The following PTPN20 variants were observed in gnomAD, a reference collection of about 807,000 sequenced individuals.
The protein encoded by PTPN20 is tyrosine-protein phosphatase non-receptor type 20.
In PTPN20, 9 loss-of-function variants were observed where a neutral mutation model predicts 35.0. That is an observed-to-expected ratio of 0.26 (90% CI 0.15 to 0.45). The LOEUF is 0.45. PTPN20 is among the 20% of genes least tolerant of loss of function. PTPN20 has a pLI of 1.00. For synonymous variants in PTPN20, 32 were observed against 100.2 expected, an observed-to-expected ratio of 0.32 and a Z score of 4.06; for missense variants, 111 against 312.5, an observed-to-expected ratio of 0.36 and a Z score of 4.86.
Position 47,000,921 on chromosome 10 carries a change from A to G in PTPN20, c.*180A>G, listed in dbSNP as rs2059967618. 5.7e-6 allele frequency: 4 copies of G among 706,174 alleles called. No homozygotes were observed. Among genetic ancestry groups the G allele is most frequent in the East Asian group, 2.7e-5 (1 of 37,174 alleles). 43.7% of individuals were successfully genotyped at this position (706,174 alleles called of 1,614,324 possible). ...CAATATCATTTGGCTTGGGGTGATC[A>G]GTGTTTACTTATTGATCTTGCTAGA... On this transcript the variant is annotated 3_prime_UTR_variant, in exon 11 of 11. Transcript: ENST00000374339.
At chr10:46,970,738 C>T (rs1396891299) in intron 7 of PTPN20, among the ~76,000 whole-genome samples, 1 of 119,944 alleles carries the variant, frequency 8.3e-6, no homozygotes, top group Non-Finnish European at 1.7e-5. Flanking sequence ...TAAAGGCAAC[C>T]TAGGGGAAGC....
At chr10:46,976,431 G>A (rs2053629103) in intron 7 of PTPN20, among the ~76,000 whole-genome samples, 1 of 103,886 alleles carries the variant, frequency 9.6e-6, no homozygotes. Context: ...CCTGATAAAC[G>A]AATATCCTTG....
intron 2 of PTPN20, among the ~76,000 whole-genome samples, chr10:46,939,595 A>T: frequency 7.2e-6 from 1 of 139,690 alleles, no homozygotes; most frequent in Non-Finnish European, 1.5e-5. Context: ...TTTCTTTATG[A>T]TTTTCTCCTT....
chr10:46,932,355 T>C (rs1331797903), intron 1 of PTPN20, 22 bp from the exon 2 acceptor site: 1 of 1,599,208 alleles, frequency 6.3e-7, no homozygotes, highest in African/African-American at 1.3e-5. Flanking sequence ...AGAAAAATCT[T>C]TGGCTTTGTG....
At chr10:46,975,939 G>A (rs1284966803) in intron 7 of PTPN20, among the ~76,000 whole-genome samples, 5 of 151,646 alleles carry the variant, frequency 3.3e-5, no homozygotes, top group Non-Finnish European at 7.4e-5. Context: ...GGGATTATAA[G>A]CATGAGCCAC....
chr10:46,995,913 C>A (rs1002707368), intron 9 of PTPN20, among the ~76,000 whole-genome samples: 77 of 152,260 alleles, frequency 5.1e-4, no homozygotes, highest in Admixed American at 1.2e-3. Flanking sequence ...GATCCAGGAA[C>A]TGTCTTCTCC....
At position 47,000,756 on chromosome 10, in the gene PTPN20, G is replaced by A; in HGVS notation, c.*15G>A. The A allele has an allele frequency of 6.2e-7, 1 of 1,613,416 alleles. No homozygotes were observed. Among genetic ancestry groups the A allele is most frequent in the Non-Finnish European group, 8.5e-7 (1 of 1,179,500 alleles). ...CTTTGGATTAAGAAAGACTTCTGTT[G>A]CCTCTCACTTGAAATTACCAAGTGG... On this transcript the variant is annotated 3_prime_UTR_variant, in exon 11 of 11. Coordinates refer to ENST00000374339, the MANE Select transcript of PTPN20 (RefSeq NM_001042357.5).
chr10:46,939,712 C>A (rs2042836218), intron 2 of PTPN20, among the ~76,000 whole-genome samples: 1 of 151,350 alleles, frequency 6.6e-6, no homozygotes. Context: ...CACATTTAAA[C>A]CTATACATTT....
chr10:46,998,256 A>G (rs2138038717), intron 9 of PTPN20, among the ~76,000 whole-genome samples: 1 of 152,312 alleles, frequency 6.6e-6, no homozygotes, highest in South Asian at 2.1e-4. Context: ...TGGTTAAATA[A>G]AGTGGCACAT....
At chr10:46,950,670 T>G in intron 5 of PTPN20, among the ~76,000 whole-genome samples, 1 of 152,004 alleles carries the variant, frequency 6.6e-6, no homozygotes, top group Non-Finnish European at 1.5e-5. Flanking sequence ...AGTTAATGTA[T>G]GCTAATATTT....
intron 7 of PTPN20, among the ~76,000 whole-genome samples, chr10:46,976,398 CTT>C (rs1198403320): frequency 7.3e-4 from 51 of 69,592 alleles, no homozygotes; most frequent in African/African-American, 2.6e-3. Context: ...TCAAGCTCTA[CTT>C]TTTTTTTTTT....
intron 1 of PTPN20, among the ~76,000 whole-genome samples, chr10:46,929,881 C>T (rs1422248208): frequency 6.9e-6 from 1 of 145,178 alleles, no homozygotes; most frequent in Non-Finnish European, 1.5e-5. Flanking sequence ...CCTAAAATTT[C>T]AGTACACATG....
intron 9 of PTPN20, among the ~76,000 whole-genome samples, chr10:46,997,071 A>G (rs2059237466): frequency 6.6e-6 from 1 of 152,186 alleles, no homozygotes; most frequent in Non-Finnish European, 1.5e-5. Flanking sequence ...GAGAGAGCTG[A>G]TATCTTTACT....
Position 46,999,905 on chromosome 10 carries a change from A to T in PTPN20, c.1135-7A>T. 1 of 1,613,694 alleles carries T rather than the reference A, an allele frequency of 6.2e-7. No homozygotes were observed. Among genetic ancestry groups the T allele is most frequent in the South Asian group, 1.1e-5 (1 of 91,058 alleles). ...GATCATACAAAATTACTGTCATCTT[A>T]TTACAGTTCAACATCATGGATATAG... On this transcript the variant is annotated splice_region_variant and splice_polypyrimidine_tract_variant and intron_variant, in intron 9 of 10. Transcript: ENST00000374339.
chr10:46,989,392 A>T (rs1418976434), intron 9 of PTPN20, among the ~76,000 whole-genome samples: 1 of 80,218 alleles, frequency 1.2e-5, no homozygotes, highest in Admixed American at 1.2e-4. Flanking sequence ...CTTCTTCCAC[A>T]TCTATTAAGA....
intron 3 of PTPN20, among the ~76,000 whole-genome samples, chr10:46,941,061 C>T (rs1233199726): frequency 6.0e-5 from 9 of 151,184 alleles, no homozygotes; most frequent in Admixed American, 2.0e-4. Context: ...TGGGTGTCTC[C>T]GAACTATGGA....
rs1555163592 is a variant in PTPN20, at chr10:46,970,809, G to A, written c.583+2762G>A. On this transcript the variant is annotated intron_variant, in intron 7 of 10. Coordinates refer to ENST00000374339, the MANE Select transcript of PTPN20 (RefSeq NM_001042357.5). ...GGAGCTATTTCACAGCAATATAAGTGCCAAGGATAAAAGGTGGAAACTGAT... is the reference window on the plus strand; with the variant it reads ...GGAGCTATTTCACAGCAATATAAGTACCAAGGATAAAAGGTGGAAACTGAT... Among the ~76,000 whole-genome samples, 2 of 86,674 alleles carry A rather than the reference G, an allele frequency of 2.3e-5. 1 individual carries two copies. The highest frequency in any genetic ancestry group is 3.9e-5 in the Non-Finnish European group (2 of 50,964). The allele number at this position is 86,674 out of a possible 152,430, so 56.9% of individuals were successfully genotyped here.
chr10:46,960,115 A>C (rs2049528491), intron 5 of PTPN20, among the ~76,000 whole-genome samples: 1 of 61,212 alleles, frequency 1.6e-5, no homozygotes, highest in African/African-American at 1.1e-4. Context: ...GTTGTCACTC[A>C]ATTGTCTTCT....
intron 1 of PTPN20, among the ~76,000 whole-genome samples, chr10:46,929,392 T>C (rs1181914036): frequency 6.6e-6 from 1 of 150,390 alleles, no homozygotes; most frequent in Non-Finnish European, 1.5e-5. Flanking sequence ...CCCCAGGAGT[T>C]GGAGGGAAAC....
Sources: allele counts gnomAD v4.1 joint callset (sites outside exome capture counted in the v4.1 genomes callset), GRCh38; gene constraint gnomAD v4.1.1; transcripts MANE v1.5; gene names NCBI Gene and HGNC (gene_info 2026-07-23, HGNC 2026-07-21).